The following PPP2R2B variants were observed in gnomAD, a reference collection of about 807,000 sequenced individuals.
PPP2R2B encodes the protein serine/threonine-protein phosphatase 2A 55 kDa regulatory subunit B beta isoform.
A neutral mutation model predicts 46.0 loss-of-function variants in PPP2R2B; 5 were observed. The ratio of observed to expected loss-of-function variants is 0.11; its 90% CI spans 0.06 to 0.23. The LOEUF is 0.23. Ranked by LOEUF, PPP2R2B falls within the 10% of genes least tolerant of loss-of-function variation. PPP2R2B has a pLI of 1.00. For missense variants in PPP2R2B, 367 were observed against 575.0 expected (o/e 0.64, Z 3.70); for synonymous variants, 215 against 206.7 (o/e 1.04, Z -0.34).
chr5:146,820,770 T>C (rs1758207950), intron 2 of PPP2R2B, among the ~76,000 whole-genome samples: 1 of 152,134 alleles, frequency 6.6e-6, no homozygotes, highest in Non-Finnish European at 1.5e-5. Flanking sequence ...AATCTTCCTC[T>C]GCTGCTACTT....
chr5:146,748,278 T>C (rs1753317023), intron 2 of PPP2R2B, among the ~76,000 whole-genome samples: 1 of 152,158 alleles, frequency 6.6e-6, no homozygotes, highest in South Asian at 2.1e-4. Flanking sequence ...AAAATTAAGC[T>C]TTTAATTTTG....
intron 2 of PPP2R2B, among the ~76,000 whole-genome samples, chr5:146,799,132 T>C (rs534523790): frequency 3.9e-5 from 6 of 152,332 alleles, no homozygotes; most frequent in South Asian, 2.1e-4. Flanking sequence ...GATGGAGTTA[T>C]GATTTCTTCA....
At chr5:146,590,914 G>GT (rs552411743) in intron 9 of PPP2R2B, among the ~76,000 whole-genome samples, 49 of 150,596 alleles carry the variant, frequency 3.3e-4, no homozygotes, top group Admixed American at 1.7e-3. Flanking sequence ...ATTTTATATG[G>GT]TTTTTTTCCC....
chr5:146,700,370 A>G (rs937349863), intron 3 of PPP2R2B, among the ~76,000 whole-genome samples: 3 of 152,306 alleles, frequency 2.0e-5, no homozygotes, highest in African/African-American at 7.2e-5. Context: ...AGCAGACACC[A>G]AAAACCTCAA....
intron 2 of PPP2R2B, among the ~76,000 whole-genome samples, chr5:146,757,893 C>T (rs1408090047): frequency 2.0e-5 from 3 of 152,112 alleles, no homozygotes; most frequent in Non-Finnish European, 4.4e-5. Context: ...TTCCACAAAG[C>T]TTTGAGGCCA....
chr5:146,698,886 G>T (rs1468400756), intron 3 of PPP2R2B, among the ~76,000 whole-genome samples: 1 of 151,862 alleles, frequency 6.6e-6, no homozygotes, highest in Non-Finnish European at 1.5e-5. Flanking sequence ...AAACAGCAGG[G>T]ACTACATACA....
chr5:146,670,807 T>C (rs1777310223), intron 5 of PPP2R2B, among the ~76,000 whole-genome samples: 1 of 152,192 alleles, frequency 6.6e-6, no homozygotes, highest in Non-Finnish European at 1.5e-5. Flanking sequence ...CTTAGTATTT[T>C]CTTTAAACTG....
At chr5:146,634,392 T>C (rs1774656582) in intron 7 of PPP2R2B, among the ~76,000 whole-genome samples, 1 of 152,118 alleles carries the variant, frequency 6.6e-6, no homozygotes, top group African/African-American at 2.4e-5. Context: ...TGGGGTGCAG[T>C]GGGGCAATCT....
At chr5:146,695,501 TA>T (rs1187695486) in intron 4 of PPP2R2B, among the ~76,000 whole-genome samples, 1 of 152,208 alleles carries the variant, frequency 6.6e-6, no homozygotes, top group Non-Finnish European at 1.5e-5. Context: ...TAGCAGAAAG[TA>T]AAAATTGTTC....
rs1215699241 is a variant in PPP2R2B at position 146,587,391 on chromosome 5, C to T, written c.*2556G>A. On this transcript the variant is annotated 3_prime_UTR_variant, in exon 10 of 10. Transcript: ENST00000394411. The stretch of plus-strand genomic sequence containing the variant: ...GGGGATGGAGGAGAGGATGGCTGCC[C>T]TCTGCTCTTTCTTCTCTGGCAAACT... The T allele has an allele frequency of 1.3e-5, 2 of 152,216 alleles. No individual in the cohort carries two copies. The highest frequency in any genetic ancestry group is 4.8e-5 in the African/African-American group (2 of 41,450). 9.4% of individuals were successfully genotyped at this position (152,216 alleles called of 1,614,324 possible).
At chr5:146,728,649 G>A (rs879412156) in intron 2 of PPP2R2B, among the ~76,000 whole-genome samples, 4 of 152,184 alleles carry the variant, frequency 2.6e-5, no homozygotes, top group Non-Finnish European at 5.9e-5. Context: ...TGTTGTGGGA[G>A]GGACCCAGGG....
At chr5:146,761,781 T>A (rs935283083) in intron 2 of PPP2R2B, among the ~76,000 whole-genome samples, 1 of 152,200 alleles carries the variant, frequency 6.6e-6, no homozygotes, top group East Asian at 1.9e-4. Context: ...TATGAGGAGA[T>A]GTTTGTAAAA....
At chr5:147,052,430 AC>A (rs950097875) in intron 1 of PPP2R2B, among the ~76,000 whole-genome samples, 2 of 152,150 alleles carry the variant, frequency 1.3e-5, no homozygotes, top group African/African-American at 4.8e-5. Context: ...ACAGAGACTA[AC>A]AAAACAGTCA....
chr5:146,697,058 T>C (rs951118590), intron 4 of PPP2R2B, among the ~76,000 whole-genome samples: 1 of 152,244 alleles, frequency 6.6e-6, no homozygotes, highest in South Asian at 2.1e-4. Flanking sequence ...ACTTGAAATA[T>C]GAACATTTCC....
chr5:146,755,005 C>T (rs1753756813), intron 2 of PPP2R2B, among the ~76,000 whole-genome samples: 1 of 152,172 alleles, frequency 6.6e-6, no homozygotes, highest in Non-Finnish European at 1.5e-5. Flanking sequence ...TTTGTTATTT[C>T]AAGTCACTGT....
intron 7 of PPP2R2B, among the ~76,000 whole-genome samples, chr5:146,631,264 T>C (rs1774406433): frequency 6.6e-6 from 1 of 152,174 alleles, no homozygotes; most frequent in South Asian, 2.1e-4. Context: ...TTTCTTCAAG[T>C]TATAGAAGTA....
intron 1 of PPP2R2B, among the ~76,000 whole-genome samples, chr5:146,944,504 G>A (rs1764419189): frequency 1.3e-5 from 2 of 152,044 alleles, no homozygotes. Context: ...TTATTACAGT[G>A]GTTGACCTGT....
At chr5:146,749,697 C>CT (rs1753428017) in intron 2 of PPP2R2B, among the ~76,000 whole-genome samples, 1 of 146,384 alleles carries the variant, frequency 6.8e-6, no homozygotes, top group Non-Finnish European at 1.5e-5. Context: ...CTCCCAGGTT[C>CT]ACGCCATTGT....
chr5:146,951,513 G>A (rs117655436), intron 1 of PPP2R2B, among the ~76,000 whole-genome samples: 19 of 151,788 alleles, frequency 1.3e-4, no homozygotes, highest in Middle Eastern at 3.4e-3. Context: ...CCCATCTCCC[G>A]ACAGGTCCCT....
Sources: allele counts gnomAD v4.1 joint callset (sites outside exome capture counted in the v4.1 genomes callset), GRCh38; gene constraint gnomAD v4.1.1; transcripts MANE v1.5; gene names NCBI Gene and HGNC (gene_info 2026-07-23, HGNC 2026-07-21).